Variants in DCUN1D1 observed in about 807,000 individuals in gnomAD.
The protein encoded by DCUN1D1 is defective in cullin neddylation 1 domain containing 1.
A neutral mutation model predicts 39.0 loss-of-function variants in DCUN1D1; 3 were observed. That is an observed-to-expected ratio of 0.08 (90% CI 0.04 to 0.20). The LOEUF is 0.20. Among genes scored for constraint, DCUN1D1 ranks in the 10% least tolerant of loss-of-function variants. The probability of loss-of-function intolerance (pLI) is 1.00; values close to 1 mark genes in which losing one functional copy is unlikely to be tolerated. For synonymous variants in DCUN1D1, 82 were observed against 96.3 expected (o/e 0.85, Z 0.87); for missense variants, 158 against 302.4 (o/e 0.52, Z 3.54).
chr3:182,959,663 AATGAAAGG>A (rs1727284246), intron 4 of DCUN1D1, among the ~76,000 whole-genome samples: 1 of 152,166 alleles, frequency 6.6e-6, no homozygotes, highest in Non-Finnish European at 1.5e-5. Context: ...TAAATTACTG[AATGAAAGG>A]ATGAATCACT....
intron 1 of DCUN1D1, among the ~76,000 whole-genome samples, chr3:182,975,686 A>AC (rs1257908275): frequency 2.7e-5 from 4 of 145,772 alleles, no homozygotes; most frequent in African/African-American, 1.1e-4. Flanking sequence ...CTGGGTTAAA[A>AC]AAAAAAAAAA....
At chr3:182,981,307 G>C (rs1199685383), upstream of DCUN1D1, among the ~76,000 whole-genome samples, 1 of 152,190 alleles carries the variant, frequency 6.6e-6, no homozygotes, top group Non-Finnish European at 1.5e-5. Context: ...GGCCCGCCCA[G>C]GATAAGTTTC....
chr3:182,956,686 A>C (rs2080753199), intron 4 of DCUN1D1, among the ~76,000 whole-genome samples: 1 of 152,268 alleles, frequency 6.6e-6, no homozygotes, highest in African/African-American at 2.4e-5. Context: ...AAATCATTTA[A>C]ATCAATTGTA....
intron 4 of DCUN1D1, among the ~76,000 whole-genome samples, chr3:182,952,741 G>A (rs1726821480): frequency 6.6e-6 from 1 of 152,110 alleles, no homozygotes; most frequent in South Asian, 2.1e-4. Flanking sequence ...CCTGAGAAAG[G>A]CTCCTTCCTT....
In DCUN1D1 at chr3:182,964,047, G is replaced by T. The variant is rs374689513; in HGVS notation, c.223C>A (p.Pro75Thr). The T allele has an allele frequency of 1.9e-6, 3 of 1,607,012 alleles. No homozygotes were observed. The highest frequency in any genetic ancestry group is 2.2e-5 in the South Asian group (2 of 90,164). The change falls in exon 3 of 7, where the codon CCT becomes ACT. Residue 75 changes from proline (P) to threonine (T), a missense_variant and splice_region_variant. Physicochemically the swap from Pro to Thr is conservative, Grantham distance 38. This residue lies in a region of DCUN1D1 where 107 missense variants were observed against 174.7 expected (regional missense o/e 0.61). Coordinates refer to ENST00000292782, the MANE Select transcript of DCUN1D1 (RefSeq NM_020640.4). ...ATTCCAATTTTATTCTCATCTTGAG[G>T]GTCTTTAAAAATAACAATGCAATAT... ...LEQLYNRYKD[P>T]QDENKIGIDG...
At chr3:182,963,545 A>G (rs1157276518) in intron 3 of DCUN1D1, among the ~76,000 whole-genome samples, 1 of 152,248 alleles carries the variant, frequency 6.6e-6, no homozygotes, top group African/African-American at 2.4e-5. Flanking sequence ...CTAGGATTTT[A>G]TAAATGCAGG....
chr3:182,978,383 C>T (rs1560184497), intron 1 of DCUN1D1, among the ~76,000 whole-genome samples: 1 of 152,092 alleles, frequency 6.6e-6, no homozygotes, highest in Non-Finnish European at 1.5e-5. Context: ...AGTCTCTTTC[C>T]TTTCTTATTA....
intron 3 of DCUN1D1, 25 bp from the exon 4 acceptor site, chr3:182,961,381 A>T: frequency 2.6e-6 from 4 of 1,560,106 alleles, no homozygotes; most frequent in Non-Finnish European, 3.5e-6. Context: ...TAAGTTTATA[A>T]AAGATTAACT....
chr3:182,951,055 G>C (rs1477125913), intron 4 of DCUN1D1: 1 of 143,804 alleles, frequency 7.0e-6, no homozygotes, highest in Admixed American at 7.0e-5. Context: ...AATTTCTAAT[G>C]GCACTTCCCT....
intron 4 of DCUN1D1, among the ~76,000 whole-genome samples, chr3:182,960,730 C>T (rs1053445609): frequency 6.6e-6 from 1 of 152,146 alleles, no homozygotes; most frequent in Non-Finnish European, 1.5e-5. Context: ...ATGGATTGAT[C>T]TAAACTTTTA....
intron 4 of DCUN1D1, chr3:182,955,275 A>G (rs1726978796): frequency 3.7e-6 from 2 of 539,982 alleles, no homozygotes; most frequent in African/African-American, 1.9e-5. Context: ...TTCTAAACCA[A>G]TATCAAAATC....
At chr3:182,978,750 G>A (rs1194365540) in intron 1 of DCUN1D1, among the ~76,000 whole-genome samples, 1 of 152,204 alleles carries the variant, frequency 6.6e-6, no homozygotes, top group African/African-American at 2.4e-5. Context: ...CACAGGATAT[G>A]TTTTAAATTA....
At chr3:182,958,950 C>T (rs890502576) in intron 4 of DCUN1D1, among the ~76,000 whole-genome samples, 3 of 152,118 alleles carry the variant, frequency 2.0e-5, no homozygotes, top group African/African-American at 7.2e-5. Context: ...TAGGTTATGT[C>T]CCTTTAAATC....
upstream of DCUN1D1, among the ~76,000 whole-genome samples, chr3:182,981,923 C>A (rs1390958820): frequency 1.3e-5 from 2 of 152,176 alleles, no homozygotes; most frequent in African/African-American, 4.8e-5. Context: ...GGTAAATAGT[C>A]CTGCAAGGAG....
upstream of DCUN1D1, among the ~76,000 whole-genome samples, chr3:182,985,278 C>A (rs1577214262): frequency 6.6e-6 from 1 of 152,192 alleles, no homozygotes; most frequent in Non-Finnish European, 1.5e-5. Context: ...GCTCACCCCC[C>A]AGTGTTACTG....
chr3:182,957,636 C>CA lies in DCUN1D1; in HGVS notation c.520+3589dup, dbSNP rs540021404. ...GCCAGATCCTGTATCTAAAACAAAT[C>CA]AAAAAAAAATGTTTAAGTCAGATTA... On this transcript the variant is annotated intron_variant, in intron 4 of 6. Coordinates refer to ENST00000292782, the MANE Select transcript of DCUN1D1 (RefSeq NM_020640.4). Among the ~76,000 whole-genome samples the CA allele has an allele frequency of 5.3e-4, 79 of 149,020 alleles. No individual in the cohort carries two copies. In the South Asian group the frequency reaches 5.5e-3, roughly 10 times the overall value.
Position 182,941,147 on chromosome 3 carries a change from T to C in DCUN1D1, c.*3947A>G, listed in dbSNP as rs933181409. 9.4e-6 allele frequency: 1 copy of C among 106,856 alleles called. No homozygotes were observed. The highest frequency in any genetic ancestry group is 2.7e-5 in the Non-Finnish European group (1 of 37,446). The allele number at this position is 106,856 out of a possible 1,614,324, so 6.6% of individuals were successfully genotyped here. A position where few individuals can be genotyped will look rare whatever the true frequency, so the allele number is the denominator to read the frequency against. On this transcript the variant is annotated 3_prime_UTR_variant, in exon 7 of 7. Transcript: ENST00000292782. ...AGCAAGAATGCTCTGATAAAATCAT[T>C]TATGTAACTATATTATGAGTTTGAA...
intron 1 of DCUN1D1, among the ~76,000 whole-genome samples, chr3:182,968,633 C>T (rs1727786117): frequency 6.6e-6 from 1 of 151,408 alleles, no homozygotes; most frequent in African/African-American, 2.4e-5. Flanking sequence ...CGGAGTCTCG[C>T]TCTGTTGCCA....
chr3:182,944,164 C>A lies in DCUN1D1; in HGVS notation c.*930G>T, dbSNP rs1057949. The A allele has an allele frequency of 2.0e-5, 3 of 152,132 alleles. No individual in the cohort carries two copies. Among genetic ancestry groups the A allele is most frequent in the Non-Finnish European group, 4.4e-5 (3 of 67,926 alleles). The allele number at this position is 152,132 out of a possible 1,614,324, so 9.4% of individuals were successfully genotyped here. Reference sequence around the variant, plus strand: ...TGCGATGACAAAAAAAAAGTAAAAACAAAACAAAAAAACCCTCATGCCTAA... The same window carrying A: ...TGCGATGACAAAAAAAAAGTAAAAAAAAAACAAAAAAACCCTCATGCCTAA... On this transcript the variant is annotated 3_prime_UTR_variant, in exon 7 of 7. Coordinates refer to ENST00000292782, the MANE Select transcript of DCUN1D1 (RefSeq NM_020640.4).
Sources: allele counts gnomAD v4.1 joint callset (sites outside exome capture counted in the v4.1 genomes callset), GRCh38; gene constraint gnomAD v4.1.1; regional missense constraint gnomAD v4.1.1; transcripts MANE v1.5; gene names NCBI Gene and HGNC (gene_info 2026-07-23, HGNC 2026-07-21).